Variants in LCLAT1 observed in about 807,000 individuals in gnomAD.
LCLAT1 encodes the protein 1-AGP acyltransferase 8.
A neutral mutation model predicts 30.7 loss-of-function variants in LCLAT1; 11 were observed. The observed-to-expected ratio is 0.36, with a 90% CI of 0.23 to 0.59. The LOEUF (loss-of-function observed/expected upper bound fraction) is 0.59. Among genes scored for constraint, LCLAT1 ranks in the 20% least tolerant of loss-of-function variants. The pLI is 0.77. For missense variants in LCLAT1, 402 were observed against 458.6 expected (o/e 0.88, Z 1.13); for synonymous variants, 155 against 151.3 (o/e 1.02, Z -0.18).
intron 5 of LCLAT1, among the ~76,000 whole-genome samples, chr2:30,571,242 C>G (rs1402547688): frequency 6.6e-6 from 1 of 152,046 alleles, no homozygotes; most frequent in African/African-American, 2.4e-5. Flanking sequence ...AATTAAATTC[C>G]CACTAGGTAA....
intron 1 of LCLAT1, among the ~76,000 whole-genome samples, chr2:30,483,677 G>A (rs1349303306): frequency 6.6e-6 from 1 of 152,118 alleles, no homozygotes; most frequent in Non-Finnish European, 1.5e-5. Context: ...TTTTGGTTGA[G>A]CTATAAGAGA....
chr2:30,597,313 T>C (rs1666966666), intron 5 of LCLAT1, among the ~76,000 whole-genome samples: 2 of 152,094 alleles, frequency 1.3e-5, no homozygotes, highest in Admixed American at 6.6e-5. Context: ...TCCTCTCTGA[T>C]TTCCTTGAGC....
At chr2:30,537,148 A>G (rs1014114767) in intron 3 of LCLAT1, among the ~76,000 whole-genome samples, 7 of 151,938 alleles carry the variant, frequency 4.6e-5, no homozygotes, top group South Asian at 4.2e-4. Flanking sequence ...TTGGGAGGCC[A>G]AGGCGGGTGG....
intron 1 of LCLAT1, among the ~76,000 whole-genome samples, chr2:30,495,163 G>A (rs1452004666): frequency 1.3e-5 from 2 of 151,822 alleles, no homozygotes; most frequent in Non-Finnish European, 2.9e-5. Flanking sequence ...GCTTTCCTAC[G>A]AATTTAATTA....
intron 5 of LCLAT1, chr2:30,606,872 A>C (rs1011859226): frequency 4.6e-5 from 7 of 152,152 alleles, no homozygotes; most frequent in African/African-American, 1.7e-4. Context: ...AGTCAACAAG[A>C]AACTAAAACA....
intron 3 of LCLAT1, among the ~76,000 whole-genome samples, chr2:30,557,695 G>A (rs535222415): frequency 6.1e-4 from 93 of 152,180 alleles, no homozygotes; most frequent in African/African-American, 2.2e-3. Flanking sequence ...GATTACAGGC[G>A]TGAGCCACTG....
chr2:30,586,887 C>T (rs1043001893), intron 5 of LCLAT1, among the ~76,000 whole-genome samples: 1 of 152,092 alleles, frequency 6.6e-6, no homozygotes, highest in African/African-American at 2.4e-5. Flanking sequence ...TTATAACCCC[C>T]TCACCATGCA....
intron 1 of LCLAT1, among the ~76,000 whole-genome samples, chr2:30,448,922 G>A (rs1558442882): frequency 6.6e-6 from 1 of 152,228 alleles, no homozygotes. Context: ...AAGACAGTAT[G>A]TGTGAAAGGG....
chr2:30,477,387 A>G (rs1683100512), intron 1 of LCLAT1, among the ~76,000 whole-genome samples: 1 of 152,190 alleles, frequency 6.6e-6, no homozygotes, highest in Non-Finnish European at 1.5e-5. Context: ...TCTTCGGTCT[A>G]ATTACTGGAA....
intron 1 of LCLAT1, among the ~76,000 whole-genome samples, chr2:30,504,025 TG>T (rs1291300758): frequency 6.6e-6 from 1 of 152,148 alleles, no homozygotes; most frequent in Non-Finnish European, 1.5e-5. Flanking sequence ...CTGGCCTCTT[TG>T]AGTTGTGAGC....
At chr2:30,581,541 T>C (rs1030032840) in intron 5 of LCLAT1, among the ~76,000 whole-genome samples, 1 of 152,156 alleles carries the variant, frequency 6.6e-6, no homozygotes, top group Non-Finnish European at 1.5e-5. Context: ...AAAGAAAATT[T>C]GGTGTGTAAG....
intron 2 of LCLAT1, among the ~76,000 whole-genome samples, chr2:30,526,378 CCTTT>C (rs1389425701): frequency 6.6e-6 from 1 of 151,858 alleles, no homozygotes; most frequent in Non-Finnish European, 1.5e-5. Flanking sequence ...GCTCAATGAC[CCTTT>C]CTTCTATCAT....
intron 1 of LCLAT1, among the ~76,000 whole-genome samples, chr2:30,483,629 T>C (rs192700086): frequency 6.6e-6 from 1 of 152,322 alleles, no homozygotes; most frequent in African/African-American, 2.4e-5. Flanking sequence ...TCTTTAATTT[T>C]TTTTTAATGT....
chr2:30,564,363 A>T (rs1381744631), intron 4 of LCLAT1, among the ~76,000 whole-genome samples: 2 of 152,154 alleles, frequency 1.3e-5, no homozygotes, highest in Non-Finnish European at 2.9e-5. Flanking sequence ...TGTTACTGCT[A>T]CATTAGTGTT....
intron 1 of LCLAT1, among the ~76,000 whole-genome samples, chr2:30,490,255 T>C (rs1683774920): frequency 6.8e-6 from 1 of 147,430 alleles, no homozygotes; most frequent in Non-Finnish European, 1.5e-5. Flanking sequence ...TAGGCTGGAG[T>C]GCAGTGGCAC....
At chr2:30,566,818 A>G (rs1471738130) in intron 4 of LCLAT1, among the ~76,000 whole-genome samples, 2 of 152,180 alleles carry the variant, frequency 1.3e-5, no homozygotes, top group Admixed American at 6.5e-5. Context: ...TGGAACTTGT[A>G]AAGTTACCTC....
intron 1 of LCLAT1, among the ~76,000 whole-genome samples, chr2:30,499,445 G>A (rs1054223625): frequency 6.6e-6 from 1 of 152,186 alleles, no homozygotes. Flanking sequence ...GCCTCCCAAA[G>A]TGCTGGGATT....
chr2:30,541,358 C>T (rs1664126490), intron 3 of LCLAT1, among the ~76,000 whole-genome samples: 1 of 152,026 alleles, frequency 6.6e-6, no homozygotes, highest in South Asian at 2.1e-4. Context: ...CACCACTGCA[C>T]TCCAGCCTGG....
chr2:30,482,687 G>A (rs1353803172), intron 1 of LCLAT1, among the ~76,000 whole-genome samples: 1 of 151,926 alleles, frequency 6.6e-6, no homozygotes, highest in Non-Finnish European at 1.5e-5. Context: ...TTTAGGCCCA[G>A]TGCTTTAGGA....
Sources: gnomAD v4.1 joint callset for allele counts (sites outside exome capture counted in the v4.1 genomes callset) on GRCh38, gnomAD v4.1.1 for gene constraint, MANE v1.5 for transcripts, NCBI Gene and HGNC (gene_info 2026-07-23, HGNC 2026-07-21) for gene names.